The following KCNRG variants were observed in gnomAD, a reference collection of about 807,000 sequenced individuals.
The protein encoded by KCNRG is potassium channel regulatory protein.
A neutral mutation model predicts 17.7 loss-of-function variants in KCNRG; 17 were observed. That is an observed-to-expected ratio of 0.96 (90% CI 0.66 to 1.44). The LOEUF is 1.44. Ranked by LOEUF, KCNRG falls within the 40% of genes most tolerant of loss-of-function variation. The pLI, the probability that KCNRG is intolerant of heterozygous loss-of-function variation, is 0.00. For missense variants in KCNRG, 311 were observed against 321.1 expected, an observed-to-expected ratio of 0.97 and a Z score of 0.24; for synonymous variants, 97 against 116.5, an observed-to-expected ratio of 0.83 and a Z score of 1.08.
Position 50,020,559 on chromosome 13 carries a change from C to T in KCNRG, c.*105C>T, listed in dbSNP as rs1877104391. The T allele has an allele frequency of 8.3e-7, 1 of 1,208,042 alleles. No individual in the cohort carries two copies. Among genetic ancestry groups the T allele is most frequent in the Admixed American group, 2.2e-5 (1 of 45,224 alleles). The allele number at this position is 1,208,042 out of a possible 1,614,324, so 74.8% of individuals were successfully genotyped here. A position where few individuals can be genotyped will look rare whatever the true frequency, so the allele number is the denominator to read the frequency against. On this transcript the variant is annotated 3_prime_UTR_variant, in exon 2 of 2. Coordinates refer to ENST00000312942, the MANE Select transcript of KCNRG (RefSeq NM_173605.2). ...CTACACTCAGCCTAACTCTTGGCTTCATCTGCTGCCATGCCGTCTCTGGGC... is the reference window on the plus strand; with the variant it reads ...CTACACTCAGCCTAACTCTTGGCTTTATCTGCTGCCATGCCGTCTCTGGGC...
chr13:50,018,570 TAGA>T (rs1382294383), intron 1 of KCNRG: 4 of 153,642 alleles, frequency 2.6e-5, no homozygotes, highest in Admixed American at 6.5e-5. Context: ...GCATGATCAT[TAGA>T]AGAAGGTTAG....
Position 50,020,617 on chromosome 13 carries a change from C to A in KCNRG, c.*163C>A. On this transcript the variant is annotated 3_prime_UTR_variant, in exon 2 of 2. Transcript: ENST00000312942. ...CCCCAACTGTGCTTAAGCCATAATGCCTGCTGCTCTCTAGACAACTCCATG... is the reference window on the plus strand; with the variant it reads ...CCCCAACTGTGCTTAAGCCATAATGACTGCTGCTCTCTAGACAACTCCATG... 6.2e-6 allele frequency: 4 copies of A among 644,382 alleles called. No individual in the cohort carries two copies. In the South Asian group the frequency reaches 7.7e-5, roughly 12 times the overall value. 39.9% of individuals were successfully genotyped at this position (644,382 alleles called of 1,614,324 possible). A position where few individuals can be genotyped will look rare whatever the true frequency, so the allele number is the denominator to read the frequency against.
At chr13:50,017,250 G>A (rs1876719710) in intron 1 of KCNRG, 1 of 166,952 alleles carries the variant, frequency 6.0e-6, no homozygotes, top group Non-Finnish European at 1.5e-5. Flanking sequence ...CCTCTTTGGG[G>A]ATCATGCTTC....
chr13:50,018,271 C>T (rs1876867075), intron 1 of KCNRG: 1 of 166,940 alleles, frequency 6.0e-6, no homozygotes, highest in Admixed American at 6.5e-5. Flanking sequence ...CAAGTACGTT[C>T]CACTTTGTTA....
chr13:50,019,597 T>C (rs1214252176), intron 1 of KCNRG, among the ~76,000 whole-genome samples: 1 of 149,658 alleles, frequency 6.7e-6, no homozygotes, highest in African/African-American at 2.5e-5. Flanking sequence ...TTGGAAATAG[T>C]TATATAAAAA....
Position 50,020,366 on chromosome 13 carries a change from G to A in KCNRG, c.731G>A (p.Arg244Lys). The change falls in exon 2 of 2, where the codon AGG (arginine) becomes AAG (lysine). Residue 244 changes from arginine to lysine, a missense_variant. Arg to Lys is a conservative substitution (Grantham distance 26). Coordinates refer to ENST00000312942, the MANE Select transcript of KCNRG (RefSeq NM_173605.2). ...EDKTECYSFERIKSPEVLITN... is the reference protein window; with the variant it reads ...EDKTECYSFEKIKSPEVLITN... ...AAAACTGAATGCTATAGCTTTGAAA[G>A]GATAAAAAGCCCTGAAGTGCTCATC... 2.5e-6 allele frequency: 4 copies of A among 1,613,994 alleles called. No homozygotes were observed. The highest frequency in any genetic ancestry group is 3.4e-6 in the Non-Finnish European group (4 of 1,179,898).
intron 1 of KCNRG, chr13:50,016,404 T>A: frequency 4.1e-6 from 1 of 241,030 alleles, no homozygotes; most frequent in Non-Finnish European, 8.7e-6. Flanking sequence ...AGAATTGCCT[T>A]ATTTTTAAGA....
chr13:50,020,320 A>G lies in KCNRG; in HGVS notation c.685A>G (p.Arg229Gly), dbSNP rs753128069. 6.8e-6 allele frequency: 11 copies of G among 1,614,010 alleles called. No individual in the cohort carries two copies. The highest frequency in any genetic ancestry group is 4.2e-6 in the Non-Finnish European group (5 of 1,179,970). ...GGAAGGCTTTCATTTGGTCAGCACTAGAACAGTATCTTCTGAAGACAAAAC... is the reference window on the plus strand; with the variant it reads ...GGAAGGCTTTCATTTGGTCAGCACTGGAACAGTATCTTCTGAAGACAAAAC... ...LKEGFHLVST[R>G]TVSSEDKTEC... Residue 229 changes from arginine to glycine, a missense_variant, in exon 2 of 2, where the codon AGA becomes GGA. Coordinates refer to ENST00000312942, the MANE Select transcript of KCNRG (RefSeq NM_173605.2).
chr13:50,020,605 T>A lies in KCNRG; in HGVS notation c.*151T>A. On this transcript the variant is annotated 3_prime_UTR_variant, in exon 2 of 2. Coordinates refer to ENST00000312942, the MANE Select transcript of KCNRG (RefSeq NM_173605.2). Reference sequence around the variant, plus strand: ...TGGGCAACCAGGCCCCAACTGTGCTTAAGCCATAATGCCTGCTGCTCTCTA... The same window carrying A: ...TGGGCAACCAGGCCCCAACTGTGCTAAAGCCATAATGCCTGCTGCTCTCTA... The A allele has an allele frequency of 1.4e-6, 1 of 704,922 alleles. No homozygotes were observed. The highest frequency in any genetic ancestry group is 2.3e-6 in the Non-Finnish European group (1 of 426,976). 43.7% of individuals were successfully genotyped at this position (704,922 alleles called of 1,614,324 possible).
chr13:50,020,170 T>C (rs372112736), intron 1 of KCNRG, 44 bp from the exon 2 acceptor site: 2 of 1,595,188 alleles, frequency 1.3e-6, no homozygotes, highest in Non-Finnish European at 1.7e-6. Context: ...TTGCTAGTTA[T>C]TAAAGGGATG....
chr13:50,018,474 A>T (rs906443548), intron 1 of KCNRG: 1 of 164,798 alleles, frequency 6.1e-6, no homozygotes, highest in African/African-American at 2.4e-5. Context: ...TGTGCTTTGT[A>T]GTTTGGTAAT....
intron 1 of KCNRG, 94 bp downstream of exon 1, chr13:50,016,165 G>T: frequency 1.2e-6 from 1 of 844,468 alleles, no homozygotes; most frequent in South Asian, 1.8e-5. Context: ...TTCTGGAAAA[G>T]ATGATTATTC....
Position 50,015,590 on chromosome 13 carries a change from C to T in KCNRG, c.97C>T (p.Arg33Cys), listed in dbSNP as rs751370278. Residue 33 changes from arginine (R) to cysteine (C), a missense_variant, in exon 1 of 2, where the codon CGC becomes TGC. Coordinates refer to ENST00000312942, the MANE Select transcript of KCNRG (RefSeq NM_173605.2). The part of the protein sequence containing the change: ...IKQFPASRLA[R>C]MLDGRDQEFK... ...GCAGTTTCCTGCTTCTCGTTTGGCA[C>T]GCATGTTAGATGGCAGAGACCAAGA... The T allele has an allele frequency of 2.5e-5, 41 of 1,613,916 alleles. No individual in the cohort carries two copies. Among genetic ancestry groups the T allele is most frequent in the Non-Finnish European group, 3.1e-5 (37 of 1,179,940 alleles).
intron 1 of KCNRG, chr13:50,016,304 C>A: frequency 4.6e-6 from 2 of 433,256 alleles, no homozygotes; most frequent in South Asian, 5.4e-5. Context: ...TGAAGACTGC[C>A]CAGAAAAAAC....
rs1876440513 is a variant in KCNRG at position 50,015,603 on chromosome 13, G to A, written c.110G>A (p.Gly37Asp). ...PASRLARMLDGRDQEFKMVGG... is the reference protein window; with the variant it reads ...PASRLARMLDDRDQEFKMVGG... ...TCTCGTTTGGCACGCATGTTAGATGGCAGAGACCAAGAATTCAAGATGGTT... is the reference window on the plus strand; with the variant it reads ...TCTCGTTTGGCACGCATGTTAGATGACAGAGACCAAGAATTCAAGATGGTT... Residue 37 changes from glycine (G) to aspartate (D), a missense_variant, in exon 1 of 2, where the codon GGC becomes GAC. Physicochemically the swap from Gly to Asp is moderately conservative, Grantham distance 94. Coordinates refer to ENST00000312942, the MANE Select transcript of KCNRG (RefSeq NM_173605.2). 6.2e-7 allele frequency: 1 copy of A among 1,613,980 alleles called. No homozygotes were observed.
At chr13:50,017,115 CTGAT>C (rs1399871327) in intron 1 of KCNRG, 1 of 166,996 alleles carries the variant, frequency 6.0e-6, no homozygotes, top group African/African-American at 2.4e-5. Flanking sequence ...AGCTAGTAGG[CTGAT>C]TGTGAAGAAA....
rs534634761 is a variant in KCNRG, at chr13:50,018,366, T to A, written c.579-1848T>A. ...ATTTTTCTCACTTTGACAAATGTTT[T>A]TAGACTGTACAGTCAAGATCTGGCG... On this transcript the variant is annotated intron_variant, in intron 1 of 1. Transcript: ENST00000312942. 3 of 166,682 alleles carry A rather than the reference T, an allele frequency of 1.8e-5. No homozygotes were observed. In the East Asian group the frequency reaches 5.8e-4, roughly 32 times the overall value. The allele number at this position is 166,682 out of a possible 1,614,324, so 10.3% of individuals were successfully genotyped here. A position where few individuals can be genotyped will look rare whatever the true frequency, so the allele number is the denominator to read the frequency against.
chr13:50,016,258 A>C (rs1201640217), intron 1 of KCNRG, 187 bp downstream of exon 1: 2 of 569,716 alleles, frequency 3.5e-6, no homozygotes, highest in Non-Finnish European at 6.3e-6. Context: ...TTTTAGAGTG[A>C]AAGGGGCTAT....
rs1441901312 is a variant in KCNRG at position 50,015,655 on chromosome 13, T to C, written c.162T>C (p.Asp54=). 6.2e-7 allele frequency: 1 copy of C among 1,614,150 alleles called. No individual in the cohort carries two copies. Among genetic ancestry groups the C allele is most frequent in the Non-Finnish European group, 8.5e-7 (1 of 1,179,994 alleles). ...MVGGQIFVDR[D]GDLFSFILDF... ...GTGGCCAGATTTTTGTAGACAGAGA[T>C]GGTGATTTGTTTAGTTTCATCTTAG... Residue 54 remains aspartate (D), a synonymous_variant, in exon 1 of 2, where the codon GAT becomes GAC. Coordinates refer to ENST00000312942, the MANE Select transcript of KCNRG (RefSeq NM_173605.2).
Sources: gnomAD v4.1 joint callset for allele counts (sites outside exome capture counted in the v4.1 genomes callset) on GRCh38, gnomAD v4.1.1 for gene constraint, MANE v1.5 for transcripts, NCBI Gene and HGNC (gene_info 2026-07-23, HGNC 2026-07-21) for gene names.